Variants in SCOC observed in about 807,000 individuals in gnomAD.
SCOC encodes short coiled-coil protein, also known as short coiled coil protein.
In SCOC, 7 loss-of-function variants were observed where a neutral mutation model predicts 9.9. That is an observed-to-expected ratio of 0.71 (90% CI 0.40 to 1.33). SCOC has a LOEUF of 1.33. Among genes scored for constraint, SCOC ranks in the 40% most tolerant of loss-of-function variants. The pLI is 0.01. For synonymous variants in SCOC, 19 were observed against 28.2 expected (o/e 0.67, Z 1.03); for missense variants, 66 against 89.7 (o/e 0.74, Z 1.07).
chr4:140,374,201 A>G (rs1728221132), intron 1 of SCOC: 1 of 456,220 alleles, frequency 2.2e-6, no homozygotes, highest in Non-Finnish European at 4.4e-6. Flanking sequence ...CCATTTTTCC[A>G]GGCGGCGAAA....
At chr4:140,293,228 C>G (rs141968748) in intron 1 of SCOC, 162 of 442,064 alleles carry the variant, frequency 3.7e-4, no homozygotes, top group African/African-American at 3.1e-3. Flanking sequence ...TGGGCTGCCA[C>G]TAGGTGCCAG....
At chr4:140,341,881 T>C (rs1212336080), upstream of SCOC, among the ~76,000 whole-genome samples, 2 of 152,240 alleles carry the variant, frequency 1.3e-5, no homozygotes, top group Non-Finnish European at 2.9e-5. Context: ...TTGGCTCAAG[T>C]ATTCTTTGAC....
At chr4:140,285,944 G>A (rs769829966) in intron 1 of SCOC, among the ~76,000 whole-genome samples, 2 of 152,076 alleles carry the variant, frequency 1.3e-5, no homozygotes, top group Non-Finnish European at 2.9e-5. Flanking sequence ...TAGCACTTTG[G>A]GTGGCTGAGG....
intron 1 of SCOC, among the ~76,000 whole-genome samples, chr4:140,259,322 G>C (rs935053495): frequency 6.6e-6 from 1 of 151,902 alleles, no homozygotes. Context: ...CTTGCTTTTC[G>C]TTCCTACTGT....
intron 2 of SCOC, among the ~76,000 whole-genome samples, chr4:140,362,301 T>TCTTCTTCTTCTTCTTCC: frequency 3.4e-5 from 1 of 29,408 alleles, no homozygotes; most frequent in East Asian, 9.1e-4. Flanking sequence ...TTCTTCTTCT[T>TCTTCTTCTTCTTCTTCC]TTTTTTTTTT....
intron 1 of SCOC, chr4:140,374,080 T>TGG: frequency 2.1e-6 from 1 of 486,192 alleles, no homozygotes; most frequent in Non-Finnish European, 4.0e-6. Flanking sequence ...TTGGGTGGAA[T>TGG]GGGACCTGGC....
At chr4:140,376,972 C>T (rs1728370727) in intron 1 of SCOC, among the ~76,000 whole-genome samples, 1 of 152,230 alleles carries the variant, frequency 6.6e-6, no homozygotes, top group African/African-American at 2.4e-5. Flanking sequence ...AAAATTCGTT[C>T]TAGCTGTAGC....
chr4:140,340,832 C>T (rs1427242217), upstream of SCOC, among the ~76,000 whole-genome samples: 3 of 115,926 alleles, frequency 2.6e-5, no homozygotes, highest in Admixed American at 3.7e-4. Flanking sequence ...CGCTCTGTTG[C>T]CCAGGCTGGA....
chr4:140,279,995 G>T (rs773120291), intron 1 of SCOC, among the ~76,000 whole-genome samples: 5 of 152,154 alleles, frequency 3.3e-5, no homozygotes, highest in Non-Finnish European at 7.4e-5. Flanking sequence ...GAAGGGAAAG[G>T]TTTTTTATTT....
chr4:140,347,612 T>C (rs990859151), intron 2 of SCOC, among the ~76,000 whole-genome samples: 2 of 152,162 alleles, frequency 1.3e-5, no homozygotes, highest in African/African-American at 2.4e-5. Context: ...GATGATCCTA[T>C]CTACTCCTAG....
At chr4:140,357,554 C>T (rs1293750000) in intron 2 of SCOC, among the ~76,000 whole-genome samples, 1 of 152,188 alleles carries the variant, frequency 6.6e-6, no homozygotes, top group Non-Finnish European at 1.5e-5. Flanking sequence ...TGGGTGTAGA[C>T]AATGCATGTT....
At chr4:140,339,179 G>A (rs1297737018), upstream of SCOC, among the ~76,000 whole-genome samples, 1 of 152,128 alleles carries the variant, frequency 6.6e-6, no homozygotes, top group Non-Finnish European at 1.5e-5. Flanking sequence ...TGACAAACCT[G>A]AGAAAAACAA....
At chr4:140,344,231 T>C (rs1467954226) in intron 2 of SCOC, among the ~76,000 whole-genome samples, 1 of 152,180 alleles carries the variant, frequency 6.6e-6, no homozygotes, top group Non-Finnish European at 1.5e-5. Flanking sequence ...CCATGGTTCA[T>C]TCAACATCTT....
chr4:140,258,219 C>G (rs1560670887), intron 1 of SCOC, among the ~76,000 whole-genome samples: 1 of 152,190 alleles, frequency 6.6e-6, no homozygotes, highest in Non-Finnish European at 1.5e-5. Context: ...GGAAATAACC[C>G]CCATTTTCTG....
chr4:140,334,768 G>A (rs192995884), intron 1 of SCOC, among the ~76,000 whole-genome samples: 1 of 152,046 alleles, frequency 6.6e-6, no homozygotes, highest in East Asian at 1.9e-4. Context: ...CTCAGCCCCA[G>A]TACCATTCTA....
chr4:140,330,047 C>G (rs1167252259), intron 1 of SCOC, among the ~76,000 whole-genome samples: 2 of 152,156 alleles, frequency 1.3e-5, no homozygotes, highest in African/African-American at 2.4e-5. Context: ...AAATATGAAA[C>G]CAGCCCAAAT....
chr4:140,380,958 A>G lies in SCOC; in HGVS notation c.107-4A>G, dbSNP rs1293673780. 3 of 1,549,108 alleles carry G rather than the reference A, an allele frequency of 1.9e-6. No individual in the cohort carries two copies. Among genetic ancestry groups the G allele is most frequent in the South Asian group, 2.5e-5 (2 of 79,628 alleles). On this transcript the variant is annotated splice_region_variant and splice_polypyrimidine_tract_variant and intron_variant, in intron 3 of 3. Transcript: ENST00000608372. ...GATAATGGGCATTTTTATTTTTTAT[A>G]TAGATCTCTCTGCAAGAGTAGATGC... is the stretch of plus-strand genomic sequence containing the variant.
At chr4:140,274,469 G>T (rs1011143413) in intron 1 of SCOC, among the ~76,000 whole-genome samples, 2 of 152,110 alleles carry the variant, frequency 1.3e-5, no homozygotes, top group African/African-American at 2.4e-5. Flanking sequence ...GAAGGCAAAA[G>T]GTTCACTCAT....
At chr4:140,366,417 C>T (rs906979520) in intron 2 of SCOC, 51 of 1,345,232 alleles carry the variant, frequency 3.8e-5, no homozygotes, top group Non-Finnish European at 5.2e-5. Flanking sequence ...GCTGCAGCAG[C>T]AGTAGCACGC....
Sources: allele counts gnomAD v4.1 joint callset (sites outside exome capture counted in the v4.1 genomes callset), GRCh38; gene constraint gnomAD v4.1.1; transcripts MANE v1.5; gene names NCBI Gene and HGNC (gene_info 2026-07-23, HGNC 2026-07-21).